The following GRID2 variants were observed in gnomAD, a reference collection of about 807,000 sequenced individuals.
GRID2 encodes glutamate receptor ionotropic, delta-2.
A neutral mutation model predicts 114.8 loss-of-function variants in GRID2; 33 were observed. The ratio of observed to expected loss-of-function variants is 0.29; its 90% CI spans 0.22 to 0.38. The LOEUF (loss-of-function observed/expected upper bound fraction) is 0.38. GRID2 is among the 10% of genes least tolerant of loss of function. The pLI is 1.00. For synonymous variants in GRID2, 505 were observed against 449.9 expected (o/e 1.12, Z -1.55); for missense variants, 1,184 against 1,257.7 (o/e 0.94, Z 0.89).
intron 2 of GRID2, among the ~76,000 whole-genome samples, chr4:92,709,583 A>ATATATATATAT (rs1553919213): frequency 7.0e-5 from 9 of 127,886 alleles, no homozygotes; most frequent in African/African-American, 2.5e-4. Flanking sequence ...AAAAAAAAAA[A>ATATATATATAT]AAAAAAATAT....
intron 14 of GRID2, among the ~76,000 whole-genome samples, chr4:93,653,211 C>T (rs976664511): frequency 2.0e-5 from 3 of 152,068 alleles, no homozygotes; most frequent in Non-Finnish European, 4.4e-5. Context: ...AATAAAGGAA[C>T]AATGTGAGAA....
chr4:93,700,279 G>T lies in GRID2; in HGVS notation c.2361-68931G>T, dbSNP rs566378624. On this transcript the variant is annotated intron_variant, in intron 14 of 15. Coordinates refer to ENST00000282020, the MANE Select transcript of GRID2 (RefSeq NM_001510.4). The stretch of plus-strand genomic sequence containing the variant: ...TCTAAATATAAACCATCTTATTCAT[G>T]GTTTCATTGCTGTATATAAATAAAA... Among the ~76,000 whole-genome samples, 34 of 152,058 alleles carry T rather than the reference G, an allele frequency of 2.2e-4. No individual in the cohort carries two copies. In the East Asian group the frequency reaches 6.2e-3, roughly 28 times the overall value.
At chr4:92,777,041 CT>C (rs1230575309) in intron 2 of GRID2, among the ~76,000 whole-genome samples, 1 of 151,682 alleles carries the variant, frequency 6.6e-6, no homozygotes, top group Non-Finnish European at 1.5e-5. Flanking sequence ...GAATAAATTT[CT>C]CAGTGTGGAA....
intron 8 of GRID2, among the ~76,000 whole-genome samples, chr4:93,322,731 G>T (rs62307807): frequency 2.2e-4 from 33 of 151,980 alleles, no homozygotes; most frequent in African/African-American, 6.0e-4. Context: ...TTTTAATGAT[G>T]GCCATTCTAA....
chr4:92,660,299 C>T lies in GRID2; in HGVS notation c.244+70013C>T, dbSNP rs562030663. 1.4e-4 allele frequency among the ~76,000 whole-genome samples: 21 copies of T among 151,396 alleles called. No individual in the cohort carries two copies. The South Asian group carries it at 3.9e-3, about 28-fold the overall frequency. On this transcript the variant is annotated intron_variant, in intron 2 of 15. Coordinates refer to ENST00000282020, the MANE Select transcript of GRID2 (RefSeq NM_001510.4). ...AAAGAATAAGAACAGATTTTTCAAG[C>T]TGCTATCCCTAATGTATTTGTCTTT...
rs145236958 is a variant in GRID2, at chr4:92,434,169, A to T, written c.88+129425A>T. Among the ~76,000 whole-genome samples, 4 of 152,326 alleles carry T rather than the reference A, an allele frequency of 2.6e-5. No homozygotes were observed. The East Asian group carries it at 7.7e-4, about 29-fold the overall frequency. On this transcript the variant is annotated intron_variant, in intron 1 of 15. Transcript: ENST00000282020. ...GCGGCTATTCCAGACACTGTGTGAC[A>T]TAATACAATTATTCTCAGCAACATC...
intron 14 of GRID2, among the ~76,000 whole-genome samples, chr4:93,689,639 C>T (rs550107219): frequency 5.4e-4 from 82 of 151,986 alleles, no homozygotes; most frequent in African/African-American, 1.9e-3. Flanking sequence ...AAAAATTACC[C>T]TATGTAAATA....
intron 2 of GRID2, among the ~76,000 whole-genome samples, chr4:92,601,817 T>A (rs1018421665): frequency 1.3e-5 from 2 of 150,218 alleles, no homozygotes; most frequent in East Asian, 3.9e-4. Context: ...ACAAGAAAAA[T>A]GATAAAAAAG....
intron 2 of GRID2, among the ~76,000 whole-genome samples, chr4:92,925,599 A>G (rs557627947): frequency 6.6e-6 from 1 of 152,134 alleles, no homozygotes; most frequent in East Asian, 1.9e-4. Flanking sequence ...TGATTTTTAA[A>G]ATAACATTTA....
intron 4 of GRID2, among the ~76,000 whole-genome samples, chr4:93,180,080 C>A (rs759059707): frequency 6.6e-6 from 1 of 152,082 alleles, no homozygotes; most frequent in Non-Finnish European, 1.5e-5. Context: ...TACCCAGTTA[C>A]TCAGGTTACA....
At chr4:93,506,967 A>G (rs1728695286) in intron 12 of GRID2, among the ~76,000 whole-genome samples, 1 of 152,144 alleles carries the variant, frequency 6.6e-6, no homozygotes, top group African/African-American at 2.4e-5. Flanking sequence ...GAATTACCCC[A>G]CACCGTGAGG....
At chr4:93,724,934 C>A (rs1729711103) in intron 14 of GRID2, among the ~76,000 whole-genome samples, 2 of 151,880 alleles carry the variant, frequency 1.3e-5, no homozygotes, top group Non-Finnish European at 2.9e-5. Flanking sequence ...TGTGCACCAC[C>A]ATGCCCAGCT....
intron 2 of GRID2, among the ~76,000 whole-genome samples, chr4:93,084,300 C>A (rs1221761010): frequency 2.0e-5 from 3 of 151,898 alleles, no homozygotes; most frequent in African/African-American, 7.3e-5. Context: ...TAGATTGTAA[C>A]CATATAATAG....
At chr4:92,447,614 T>C (rs1733539800) in intron 1 of GRID2, among the ~76,000 whole-genome samples, 1 of 152,236 alleles carries the variant, frequency 6.6e-6, no homozygotes, top group Non-Finnish European at 1.5e-5. Flanking sequence ...ATAAACTCGA[T>C]AGCTTATAAA....
rs554462372 is a variant in GRID2, at chr4:93,531,951, A to T, written c.2193+16540A>T. Among the ~76,000 whole-genome samples, 19 of 152,302 alleles carry T rather than the reference A, an allele frequency of 1.2e-4. 1 individual carries two copies. Among genetic ancestry groups the T allele is most frequent in the Admixed American group, 1.2e-3 (19 of 15,282 alleles). ...CTCTGACAATTTCCAAATCATACTT[A>T]AATATTTCTTTAAGAATCAAAGATA... On this transcript the variant is annotated intron_variant, in intron 13 of 15. Transcript: ENST00000282020.
chr4:93,386,542 G>A (rs528732912), intron 8 of GRID2, among the ~76,000 whole-genome samples: 1 of 152,246 alleles, frequency 6.6e-6, no homozygotes, highest in East Asian at 1.9e-4. Flanking sequence ...TAACGATTAA[G>A]CTTTTATTCC....
chr4:93,158,722 C>T (rs1190181160), intron 4 of GRID2, among the ~76,000 whole-genome samples: 2 of 151,748 alleles, frequency 1.3e-5, no homozygotes, highest in Non-Finnish European at 1.5e-5. Context: ...TGAACTCCAG[C>T]TGTCTTTGAC....
chr4:92,851,892 C>A (rs563468855), intron 2 of GRID2, among the ~76,000 whole-genome samples: 52 of 152,022 alleles, frequency 3.4e-4, no homozygotes, highest in African/African-American at 1.1e-3. Flanking sequence ...TATGTACTTT[C>A]TTTGCAAAAG....
At chr4:92,909,213 A>C (rs1748186965) in intron 2 of GRID2, among the ~76,000 whole-genome samples, 1 of 151,676 alleles carries the variant, frequency 6.6e-6, no homozygotes, top group African/African-American at 2.4e-5. Context: ...TGGTTGAATT[A>C]ATCTACACTA....
Sources: allele counts gnomAD v4.1 joint callset (sites outside exome capture counted in the v4.1 genomes callset), GRCh38; gene constraint gnomAD v4.1.1; transcripts MANE v1.5; gene names NCBI Gene and HGNC (gene_info 2026-07-23, HGNC 2026-07-21).